ADAMTSL3: variants seen among roughly 807,000 people sequenced by gnomAD.
ADAMTSL3 encodes the protein ADAMTS-like protein 3.
A neutral mutation model predicts 201.7 loss-of-function variants in ADAMTSL3; 128 were observed. The ratio of observed to expected loss-of-function variants is 0.63; its 90% confidence interval spans 0.55 to 0.73. The LOEUF (loss-of-function observed/expected upper bound fraction) is 0.73. ADAMTSL3 is among the 30% of genes least tolerant of loss of function. The pLI is 0.00. For synonymous variants in ADAMTSL3, 738 were observed against 748.4 expected, an observed-to-expected ratio of 0.99 and a Z score of 0.23; for missense variants, 1,990 against 2,119.6, an observed-to-expected ratio of 0.94 and a Z score of 1.20.
chr15:83,860,868 C>T (rs1054258432), intron 8 of ADAMTSL3, among the ~76,000 whole-genome samples: 1 of 152,176 alleles, frequency 6.6e-6, no homozygotes, highest in African/African-American at 2.4e-5. Flanking sequence ...CAGGGCAAGG[C>T]ATCGCGTCAC....
intron 15 of ADAMTSL3, 125 bp downstream of exon 15, chr15:83,899,856 T>C: frequency 7.8e-7 from 1 of 1,287,186 alleles, no homozygotes; most frequent in Non-Finnish European, 1.0e-6. Flanking sequence ...TTACAGACTC[T>C]AGAGAGCTTG....
At chr15:83,881,162 G>T (rs538654852) in intron 9 of ADAMTSL3, among the ~76,000 whole-genome samples, 1 of 152,226 alleles carries the variant, frequency 6.6e-6, no homozygotes, top group African/African-American at 2.4e-5. Flanking sequence ...AAGACAGCTA[G>T]GTTAGCAACC....
At chr15:83,854,903 T>C (rs2064699467) in intron 7 of ADAMTSL3, among the ~76,000 whole-genome samples, 1 of 152,210 alleles carries the variant, frequency 6.6e-6, no homozygotes, top group African/African-American at 2.4e-5. Context: ...ATAATTCCAT[T>C]GAATTTTAGA....
chr15:83,712,926 G>GCTTC (rs1567091296), intron 3 of ADAMTSL3, among the ~76,000 whole-genome samples: 7 of 152,056 alleles, frequency 4.6e-5, no homozygotes, highest in African/African-American at 1.7e-4. Context: ...TCTAATCTCA[G>GCTTC]ACCCTTCTCC....
At chr15:83,818,890 C>T (rs549962400) in intron 5 of ADAMTSL3, among the ~76,000 whole-genome samples, 1 of 152,280 alleles carries the variant, frequency 6.6e-6, no homozygotes, top group South Asian at 2.1e-4. Flanking sequence ...ATGTTTTCTG[C>T]CGTCCATCCT....
At chr15:83,808,054 T>A (rs1197997825) in intron 5 of ADAMTSL3, among the ~76,000 whole-genome samples, 1 of 151,990 alleles carries the variant, frequency 6.6e-6, no homozygotes, top group Admixed American at 6.6e-5. Flanking sequence ...ACAGAGAAAA[T>A]GCTTCATGAC....
At chr15:83,989,102 T>A (rs1314011757) in intron 22 of ADAMTSL3, among the ~76,000 whole-genome samples, 1 of 152,118 alleles carries the variant, frequency 6.6e-6, no homozygotes, top group Non-Finnish European at 1.5e-5. Flanking sequence ...CAGGATGGTC[T>A]CGATCTCCTG....
At chr15:83,788,730 A>G (rs538259496) in intron 4 of ADAMTSL3, among the ~76,000 whole-genome samples, 54 of 152,304 alleles carry the variant, frequency 3.5e-4, no homozygotes, top group Non-Finnish European at 6.2e-4. Flanking sequence ...GTCCTTCACT[A>G]TAAAAACTCA....
At chr15:83,909,599 C>T (rs2065897350) in intron 15 of ADAMTSL3, among the ~76,000 whole-genome samples, 1 of 151,978 alleles carries the variant, frequency 6.6e-6, no homozygotes, top group Non-Finnish European at 1.5e-5. Context: ...TTAAAGTGCA[C>T]CATCAATGAG....
intron 3 of ADAMTSL3, among the ~76,000 whole-genome samples, chr15:83,714,860 CCCTCCCTCCCTCCCTCCCTTCCTT>C (rs1258814343): frequency 0.019 from 802 of 42,982 alleles, 35 homozygotes; most frequent in Non-Finnish European, 0.022. Flanking sequence ...TTCCCTCCCT[CCCTCCCTCCCTCCCTCCCTTCCTT>C]CCTTCCTTCC....
chr15:84,025,809 T>TA (rs2141923446), intron 27 of ADAMTSL3, among the ~76,000 whole-genome samples: 1 of 152,248 alleles, frequency 6.6e-6, no homozygotes, highest in African/African-American at 2.4e-5. Flanking sequence ...AATGTTATAA[T>TA]AAAAATACTT....
chr15:83,821,609 C>G (rs1326084259), intron 6 of ADAMTSL3, among the ~76,000 whole-genome samples: 1 of 151,510 alleles, frequency 6.6e-6, no homozygotes, highest in Non-Finnish European at 1.5e-5. Flanking sequence ...TTTCTTAGTA[C>G]AGAACAAAAT....
chr15:83,844,023 C>G (rs2064440869), intron 7 of ADAMTSL3, among the ~76,000 whole-genome samples: 1 of 152,200 alleles, frequency 6.6e-6, no homozygotes, highest in East Asian at 1.9e-4. Flanking sequence ...TTTAGAGAGT[C>G]TTGACTTGGC....
At chr15:84,008,814 TCTG>T (rs1200675038) in intron 23 of ADAMTSL3, among the ~76,000 whole-genome samples, 1 of 152,204 alleles carries the variant, frequency 6.6e-6, no homozygotes, top group Non-Finnish European at 1.5e-5. Flanking sequence ...TCTCCTGAGT[TCTG>T]CTCCCAAACT....
chr15:84,037,299 A>G (rs531976165), intron 29 of ADAMTSL3, among the ~76,000 whole-genome samples: 15 of 152,290 alleles, frequency 9.8e-5, no homozygotes, highest in African/African-American at 3.6e-4. Flanking sequence ...ACGTGCTAAG[A>G]CAAAGATTCC....
intron 25 of ADAMTSL3, among the ~76,000 whole-genome samples, chr15:84,016,895 G>A (rs1401140393): frequency 1.3e-5 from 2 of 151,872 alleles, no homozygotes; most frequent in African/African-American, 2.4e-5. Flanking sequence ...CACCAACTTT[G>A]TTATGCATCA....
rs2063449883 is a variant in ADAMTSL3 at position 83,797,652 on chromosome 15, T to TG, written c.318-6995dup. Among the ~76,000 whole-genome samples the TG allele has an allele frequency of 2.6e-5, 4 of 152,102 alleles. No homozygotes were observed. The South Asian group carries it at 8.3e-4, about 32-fold the overall frequency. ...ATGACATATTTCACATTCTTCATAT[T>TG]GGGAAAAAAAAGTTTTAAAATGTCA... is the stretch of plus-strand genomic sequence containing the variant. On this transcript the variant is annotated intron_variant, in intron 4 of 29. Coordinates refer to ENST00000286744, the MANE Select transcript of ADAMTSL3 (RefSeq NM_207517.3).
rs144266852 is a variant in ADAMTSL3 at position 84,021,668 on chromosome 15, T to G, written c.4457+75T>G. On this transcript the variant is annotated intron_variant, in intron 26 of 29. Transcript: ENST00000286744. ...TTTGAAAGGTGCAGTGATTTGGACA[T>G]AATAATTCAATAGCTAAGTTTTTTT... 533 of 1,505,926 alleles carry G rather than the reference T, an allele frequency of 3.5e-4. 4 individuals carry two copies. In the East Asian group the frequency reaches 0.012, roughly 33 times the overall value. The allele number at this position is 1,505,926 out of a possible 1,614,324, so 93.3% of individuals were successfully genotyped here. A position where few individuals can be genotyped will look rare whatever the true frequency, so the allele number is the denominator to read the frequency against.
At chr15:83,890,452 G>A (rs2065481044) in intron 11 of ADAMTSL3, among the ~76,000 whole-genome samples, 1 of 152,112 alleles carries the variant, frequency 6.6e-6, no homozygotes, top group South Asian at 2.1e-4. Context: ...CTCTTGTCGT[G>A]GGCTATGTGT....
Sources: allele counts gnomAD v4.1 joint callset (sites outside exome capture counted in the v4.1 genomes callset), GRCh38; gene constraint gnomAD v4.1.1; transcripts MANE v1.5; gene names NCBI Gene and HGNC (gene_info 2026-07-23, HGNC 2026-07-21).